The following MED12L variants were observed in gnomAD, a reference collection of about 807,000 sequenced individuals.
MED12L encodes the protein mediator complex subunit 12L, also known as mediator of RNA polymerase II transcription subunit 12-like protein.
MED12L carries 60 observed loss-of-function variants against 281.3 expected under a neutral mutation model. That is an observed-to-expected ratio of 0.21 (90% CI 0.17 to 0.26). The LOEUF (loss-of-function observed/expected upper bound fraction) is 0.26. Ranked by LOEUF, MED12L falls within the 10% of genes least tolerant of loss-of-function variation. MED12L has a pLI of 1.00. For missense variants in MED12L, 2,146 were observed against 2,680.9 expected (o/e 0.80, Z 4.41); for synonymous variants, 974 against 987.2 (o/e 0.99, Z 0.25).
intron 16 of MED12L, among the ~76,000 whole-genome samples, chr3:151,218,048 T>C (rs1450699595): frequency 6.6e-6 from 1 of 152,232 alleles, no homozygotes; most frequent in African/African-American, 2.4e-5. Flanking sequence ...CTCAGTCTCC[T>C]CTCCTTATCT....
In MED12L at chr3:151,143,458, C is replaced by T. The variant is rs115570251; in HGVS notation, c.557-12703C>T. Among the ~76,000 whole-genome samples, 1,034 of 152,274 alleles carry T rather than the reference C, an allele frequency of 6.8e-3. 7 individuals carry two copies. Among genetic ancestry groups the T allele is most frequent in the Non-Finnish European group, 0.011 (778 of 68,036 alleles). On this transcript the variant is annotated intron_variant, in intron 5 of 44. Transcript: ENST00000687756. ...TATTTTTGCTCCTCAGATGATTGGGCGCTTCCTCCCACTGCCTCTGCAGCA... is the reference window on the plus strand; with the variant it reads ...TATTTTTGCTCCTCAGATGATTGGGTGCTTCCTCCCACTGCCTCTGCAGCA...
intron 3 of MED12L, among the ~76,000 whole-genome samples, chr3:151,120,341 T>C (rs751876096): frequency 6.6e-6 from 1 of 152,204 alleles, no homozygotes; most frequent in Non-Finnish European, 1.5e-5. Flanking sequence ...GCAATGCTTA[T>C]TAAAATTGCA....
At chr3:151,253,537 T>C (rs1329738556) in intron 16 of MED12L, among the ~76,000 whole-genome samples, 1 of 152,164 alleles carries the variant, frequency 6.6e-6, no homozygotes, top group Non-Finnish European at 1.5e-5. Flanking sequence ...TGAGAATGAA[T>C]GGTTTTCCTC....
At chr3:151,409,104 T>C in intron 39 of MED12L, 139 bp from the exon 40 acceptor site, 1 of 638,814 alleles carries the variant, frequency 1.6e-6, no homozygotes, top group South Asian at 2.1e-5. Context: ...TGAGAAATAA[T>C]ATTTAATACA....
At chr3:151,334,192 C>CTT (rs71848482) in intron 16 of MED12L, among the ~76,000 whole-genome samples, 1,454 of 99,426 alleles carry the variant, frequency 0.015, 116 homozygotes, top group African/African-American at 0.045. Context: ...TTCTTTCTTT[C>CTT]TTTCTTTTTT....
At chr3:151,422,486 A>C (rs1206569104) in intron 43 of MED12L, among the ~76,000 whole-genome samples, 1 of 152,062 alleles carries the variant, frequency 6.6e-6, no homozygotes, top group Non-Finnish European at 1.5e-5. Context: ...CTTTGCCTCC[A>C]CCTTCGCAGG....
intron 11 of MED12L, among the ~76,000 whole-genome samples, chr3:151,173,359 C>G (rs991282616): frequency 1.4e-4 from 22 of 152,076 alleles, no homozygotes; most frequent in Admixed American, 5.2e-4. Flanking sequence ...TTAACTAGTA[C>G]GTTCTATTTC....
At chr3:151,374,193 C>CAT (rs1253906675) in intron 27 of MED12L, among the ~76,000 whole-genome samples, 1 of 151,430 alleles carries the variant, frequency 6.6e-6, no homozygotes, top group Non-Finnish European at 1.5e-5. Flanking sequence ...CATGGCCGGG[C>CAT]ATGTTAAATG....
At chr3:151,115,432 T>C (rs1387247836) in intron 2 of MED12L, among the ~76,000 whole-genome samples, 6 of 130,902 alleles carry the variant, frequency 4.6e-5, no homozygotes, top group Admixed American at 1.8e-4. Flanking sequence ...CACTTCAACC[T>C]CCGCCTCCCA....
intron 16 of MED12L, among the ~76,000 whole-genome samples, chr3:151,287,026 A>C (rs7617677): frequency 0.44 from 67,051 of 151,934 alleles, 15,107 homozygotes; most frequent in Middle Eastern, 0.64. Flanking sequence ...CAATGCTAGT[A>C]CTTCCTTATG....
rs993390050 is a variant in MED12L, at chr3:151,435,757, A to G, written c.*2953A>G. 5 of 152,216 alleles carry G rather than the reference A, an allele frequency of 3.3e-5. No homozygotes were observed. The highest frequency in any genetic ancestry group is 4.8e-5 in the African/African-American group (2 of 41,454). 9.4% of individuals were successfully genotyped at this position (152,216 alleles called of 1,614,324 possible). The stretch of plus-strand genomic sequence containing the variant: ...TCAGGTTGAATTAAGCATGTAATAT[A>G]AATTCAGTGAATTACAAAAACACAT... On this transcript the variant is annotated 3_prime_UTR_variant, in exon 45 of 45. Transcript: ENST00000687756.
At chr3:151,170,396 T>TC (rs1318687102) in intron 11 of MED12L, among the ~76,000 whole-genome samples, 33 of 151,072 alleles carry the variant, frequency 2.2e-4, no homozygotes, top group African/African-American at 8.0e-4. Context: ...TGCCTCAGCC[T>TC]CCCGAGTAGC....
chr3:151,372,952 C>T (rs1462477564), intron 27 of MED12L, among the ~76,000 whole-genome samples, 186 bp downstream of exon 27: 1 of 152,130 alleles, frequency 6.6e-6, no homozygotes, highest in African/African-American at 2.4e-5. Flanking sequence ...CCATCCTTTA[C>T]ACGGATTTAC....
At chr3:151,150,595 C>T (rs1480481508) in intron 5 of MED12L, among the ~76,000 whole-genome samples, 1 of 152,218 alleles carries the variant, frequency 6.6e-6, no homozygotes, top group African/African-American at 2.4e-5. Flanking sequence ...CTTTTAAGGA[C>T]AGGCCTTGAC....
rs139399025 is a variant in MED12L, at chr3:151,328,800, A to G, written c.2251-21259A>G. On this transcript the variant is annotated intron_variant, in intron 16 of 44. Coordinates refer to ENST00000687756, the MANE Select transcript of MED12L (RefSeq NM_001393769.1). Reference sequence around the variant, plus strand: ...AGTGTCATTATCAAGTCGGCCACCAAAGTGTTTTTGAGGTAGATGATGAAG... The same window carrying G: ...AGTGTCATTATCAAGTCGGCCACCAGAGTGTTTTTGAGGTAGATGATGAAG... 3.0e-4 allele frequency: 480 copies of G among 1,613,930 alleles called. No homozygotes were observed. The highest frequency in any genetic ancestry group is 4.0e-4 in the Admixed American group (24 of 59,978).
At chr3:151,200,917 G>T (rs926682697) in intron 16 of MED12L, 33 of 152,158 alleles carry the variant, frequency 2.2e-4, no homozygotes, top group Admixed American at 2.2e-3. Flanking sequence ...ACCCAAGGTT[G>T]TGTAGCTGGT....
chr3:151,420,442 G>C (rs1718105136), intron 43 of MED12L, among the ~76,000 whole-genome samples: 1 of 152,154 alleles, frequency 6.6e-6, no homozygotes, highest in African/African-American at 2.4e-5. Flanking sequence ...AATGTTGTGG[G>C]AACAGGAAGC....
At chr3:151,226,342 C>A (rs987075403) in intron 16 of MED12L, among the ~76,000 whole-genome samples, 4 of 152,148 alleles carry the variant, frequency 2.6e-5, no homozygotes, top group African/African-American at 9.7e-5. Flanking sequence ...AAATGGATGG[C>A]CTAAGCTCTT....
chr3:151,361,022 G>A (rs1468128758), intron 21 of MED12L, among the ~76,000 whole-genome samples: 1 of 151,946 alleles, frequency 6.6e-6, no homozygotes, highest in Non-Finnish European at 1.5e-5. Flanking sequence ...CTAATAGAAA[G>A]ATCAATGAGG....
Sources: gnomAD v4.1 joint callset for allele counts (sites outside exome capture counted in the v4.1 genomes callset) on GRCh38, gnomAD v4.1.1 for gene constraint, MANE v1.5 for transcripts, NCBI Gene and HGNC (gene_info 2026-07-23, HGNC 2026-07-21) for gene names.